DCAF15: variants seen among roughly 807,000 people sequenced by gnomAD.
DCAF15 encodes the protein DDB1 and CUL4 associated factor 15, also known as DDB1- and CUL4-associated factor 15.
DCAF15 carries 24 observed loss-of-function variants against 68.0 expected under a neutral mutation model. That is an observed-to-expected ratio of 0.35 (90% confidence interval 0.26 to 0.50). The LOEUF (loss-of-function observed/expected upper bound fraction) is 0.50, where lower values mean the gene tolerates loss of function less well. DCAF15 is among the 20% of genes least tolerant of loss of function. DCAF15 has a pLI of 0.98. For missense variants in DCAF15, 627 were observed against 830.6 expected, an observed-to-expected ratio of 0.75 and a Z score of 3.01; for synonymous variants, 376 against 341.6, an observed-to-expected ratio of 1.10 and a Z score of -1.11.
intron 3 of DCAF15, 136 bp from the exon 4 acceptor site, chr19:13,955,776 G>C: frequency 1.2e-6 from 1 of 804,278 alleles, no homozygotes; most frequent in Non-Finnish European, 2.0e-6. Flanking sequence ...CTCAGGCAAG[G>C]TGGAGGGGTG....
intron 1 of DCAF15, 32 bp from the exon 2 acceptor site, chr19:13,954,308 T>G: frequency 6.3e-7 from 1 of 1,592,914 alleles, no homozygotes. Context: ...CTGCAGATGG[T>G]GCCTGAAGTG....
rs753321618 is a variant in DCAF15, at chr19:13,959,486, G to A, written c.1219+7G>A. ...GGGACGGAGCCGGAGGATGGTGAGC[G>A]GGGGGCAGGCATGTGACAGGGCCTG... On this transcript the variant is annotated splice_region_variant and intron_variant, in intron 7 of 12. Coordinates refer to ENST00000254337, the MANE Select transcript of DCAF15 (RefSeq NM_138353.4). 13 of 1,608,866 alleles carry A rather than the reference G, an allele frequency of 8.1e-6. No homozygotes were observed. Among genetic ancestry groups the A allele is most frequent in the East Asian group, 6.7e-5 (3 of 44,760 alleles).
Sources: allele counts gnomAD v4.1 joint callset, GRCh38; gene constraint gnomAD v4.1.1; transcripts MANE v1.5; gene names NCBI Gene and HGNC (gene_info 2026-07-23, HGNC 2026-07-21).